Variants in CHD5 observed in about 807,000 individuals in gnomAD.
The protein encoded by CHD5 is chromodomain helicase DNA binding protein 5, also known as ATP-dependent chromatin remodeler CHD5.
A neutral mutation model predicts 230.3 loss-of-function variants in CHD5; 69 were observed. That is an observed-to-expected ratio of 0.30 (90% CI 0.25 to 0.37). The LOEUF (loss-of-function observed/expected upper bound fraction) is 0.37. Ranked by LOEUF, CHD5 falls within the 10% of genes least tolerant of loss-of-function variation. The pLI, the probability that CHD5 is intolerant of heterozygous loss-of-function variation, is 1.00. For synonymous variants in CHD5, 1,064 were observed against 1,065.9 expected (o/e 1.00, Z 0.03); for missense variants, 1,827 against 2,622.8 (o/e 0.70, Z 6.63).
chr1:6,155,013 G>T lies in CHD5; in HGVS notation c.507-115C>A. Reference sequence around the variant, plus strand: ...TGTGCGATCTATGGCAGCAGCCCCAGGTTCCTGATTAGAGAGATTAGGCGG... The same window carrying T: ...TGTGCGATCTATGGCAGCAGCCCCATGTTCCTGATTAGAGAGATTAGGCGG... On this transcript the variant is annotated intron_variant, in intron 4 of 41. Coordinates refer to ENST00000262450, the MANE Select transcript of CHD5 (RefSeq NM_015557.3). The surrounding 1 kb of genome is among the most constrained non-coding windows in gnomAD (Gnocchi z 4.0). 1 of 946,770 alleles carries T rather than the reference G, an allele frequency of 1.1e-6. No homozygotes were observed. The highest frequency in any genetic ancestry group is 2.6e-5 in the East Asian group (1 of 38,348). The allele number at this position is 946,770 out of a possible 1,614,324, so 58.6% of individuals were successfully genotyped here.
intron 13 of CHD5, 70 bp downstream of exon 13, chr1:6,143,753 T>C: frequency 7.5e-7 from 1 of 1,342,184 alleles, no homozygotes; most frequent in South Asian, 1.2e-5. Context: ...ACACACCCCC[T>C]GCACATTCAA....
intron 36 of CHD5, among the ~76,000 whole-genome samples, chr1:6,111,215 G>A (rs943331248): frequency 4.8e-5 from 7 of 145,608 alleles, no homozygotes; most frequent in African/African-American, 1.8e-4. Context: ...AGGCCACAGA[G>A]CGAGACTCCA....
Position 6,102,278 on chromosome 1 carries a change from A to G in CHD5, c.*3196T>C, listed in dbSNP as rs565193632. ...AAAAAAAAATCTGAAAATTAAAGAA[A>G]AAAAAAACACAACGCCAGTGAGTTT... On this transcript the variant is annotated 3_prime_UTR_variant, in exon 42 of 42. Coordinates refer to ENST00000262450, the MANE Select transcript of CHD5 (RefSeq NM_015557.3). 7.0e-4 allele frequency: 112 copies of G among 160,530 alleles called. No individual in the cohort carries two copies. The highest frequency in any genetic ancestry group is 9.9e-4 in the Non-Finnish European group (72 of 72,512). 9.9% of individuals were successfully genotyped at this position (160,530 alleles called of 1,614,324 possible).
rs528036009 is a variant in CHD5, at chr1:6,135,170, G to C, written c.2870+60C>G. 5.0e-6 allele frequency: 8 copies of C among 1,599,656 alleles called. No individual in the cohort carries two copies. In the Admixed American group the frequency reaches 1.3e-4, roughly 27 times the overall value. Reference sequence around the variant, plus strand: ...CTCCGCCCACCTGGGAATCGACCCAGGAGACCAGCCCAGGGGAAAGGGCGA... The same window carrying C: ...CTCCGCCCACCTGGGAATCGACCCACGAGACCAGCCCAGGGGAAAGGGCGA... On this transcript the variant is annotated intron_variant, in intron 18 of 41. Coordinates refer to ENST00000262450, the MANE Select transcript of CHD5 (RefSeq NM_015557.3).
intron 38 of CHD5, among the ~76,000 whole-genome samples, chr1:6,107,927 G>T (rs559740028): frequency 2.9e-5 from 4 of 139,440 alleles, no homozygotes; most frequent in Non-Finnish European, 6.2e-5. Flanking sequence ...AAGATGGAAG[G>T]ATGGAAGGAA....
At chr1:6,160,992 T>C (rs934245563) in intron 2 of CHD5, among the ~76,000 whole-genome samples, 2 of 152,150 alleles carry the variant, frequency 1.3e-5, no homozygotes, top group Non-Finnish European at 2.9e-5. Context: ...GGGCTTGCCA[T>C]GCGCAGGACT....
At position 6,105,194 on chromosome 1, in the gene CHD5, G is replaced by A. The variant is rs1666142152; in HGVS notation, c.*280C>T. The A allele has an allele frequency of 3.7e-5, 13 of 349,108 alleles. No homozygotes were observed. The highest frequency in any genetic ancestry group is 2.4e-4 in the South Asian group (11 of 45,516). 21.6% of individuals were successfully genotyped at this position (349,108 alleles called of 1,614,324 possible). Reference sequence around the variant, plus strand: ...GAAATCTCTTCTAAGAAGTCGTCTGGAAAAGGTGGCGAGGGGGCACGTCCG... The same window carrying A: ...GAAATCTCTTCTAAGAAGTCGTCTGAAAAAGGTGGCGAGGGGGCACGTCCG... On this transcript the variant is annotated 3_prime_UTR_variant, in exon 42 of 42. Transcript: ENST00000262450. The surrounding 1 kb of genome is among the most constrained non-coding windows in gnomAD (Gnocchi z 4.8).
In CHD5 at chr1:6,130,158, G is replaced by C. The variant is rs201341413; in HGVS notation, c.3387+46C>G. 4 of 1,609,288 alleles carry C rather than the reference G, an allele frequency of 2.5e-6. No homozygotes were observed. The Admixed American group carries it at 6.7e-5, about 27-fold the overall frequency. On this transcript the variant is annotated intron_variant, in intron 22 of 41. Transcript: ENST00000262450. The surrounding 1 kb of genome is among the most constrained non-coding windows in gnomAD (Gnocchi z 4.9). ...AAGGACAGAACCTGCCTGAGGCCCG[G>C]GATGAGAGGCCCCCTGGGAGGGTGG...
At chr1:6,107,686 T>C (rs893678556) in intron 38 of CHD5, among the ~76,000 whole-genome samples, 35 of 57,806 alleles carry the variant, frequency 6.1e-4, no homozygotes, top group Non-Finnish European at 1.0e-3. Flanking sequence ...AGGGATAATA[T>C]AGGGATGGAG....
chr1:6,151,229 TG>T, intron 6 of CHD5, 74 bp from the exon 7 acceptor site: 1 of 1,496,624 alleles, frequency 6.7e-7, no homozygotes, highest in Non-Finnish European at 9.0e-7. Context: ...CAGTGTGGGG[TG>T]GGACAAAGCA....
chr1:6,113,402 T>A, intron 33 of CHD5: 1 of 382,862 alleles, frequency 2.6e-6, no homozygotes, highest in Middle Eastern at 4.6e-4. Context: ...CCAGCCTGAG[T>A]GACAGAGCAA....
rs12082745 is a variant in CHD5, at chr1:6,104,220, G to A, written c.*1254C>T. On this transcript the variant is annotated 3_prime_UTR_variant, in exon 42 of 42. Transcript: ENST00000262450. The stretch of plus-strand genomic sequence containing the variant: ...GTGGGATTCCAACAACCCACATGTG[G>A]GAAGATGGTTTTGGGATGTCAGGGC... The A allele has an allele frequency of 0.024, 3,638 of 152,394 alleles. 151 individuals carry two copies. Among genetic ancestry groups the A allele is most frequent in the African/African-American group, 0.083 (3,464 of 41,530 alleles). 9.4% of individuals were successfully genotyped at this position (152,394 alleles called of 1,614,324 possible). A position where few individuals can be genotyped will look rare whatever the true frequency, so the allele number is the denominator to read the frequency against.
rs761147748 is a variant in CHD5, at chr1:6,168,163, C to A, written c.194G>T (p.Arg65Leu). ...GCTGCCCCTCACCTCTTTCTTCTTCCGCTTCCCTTTACACTTGTTTTCCTT... is the reference window on the plus strand; with the variant it reads ...GCTGCCCCTCACCTCTTTCTTCTTCAGCTTCCCTTTACACTTGTTTTCCTT... ...KLKENKCKGK[R>L]KKKEGSNDEL... The change falls in exon 2 of 42, where the codon CGG becomes CTG. Residue 65 changes from arginine (R) to leucine (L), a missense_variant. Arg to Leu is a moderately radical substitution (Grantham distance 102). This residue lies in a region of CHD5 where 113 missense variants were observed against 91.9 expected (regional missense o/e 1.23). Transcript: ENST00000262450. 1 of 1,606,610 alleles carries A rather than the reference C, an allele frequency of 6.2e-7. No homozygotes were observed. Among genetic ancestry groups the A allele is most frequent in the East Asian group, 2.2e-5 (1 of 44,664 alleles).
In CHD5 at chr1:6,105,743, T is replaced by A. The variant is rs1413625007; in HGVS notation, c.*47-316A>T. 6.6e-6 allele frequency among the ~76,000 whole-genome samples: 1 copy of A among 152,280 alleles called. No homozygotes were observed. The highest frequency in any genetic ancestry group is 6.5e-5 in the Admixed American group (1 of 15,304). On this transcript the variant is annotated intron_variant, in intron 41 of 41. Transcript: ENST00000262450. The surrounding 1 kb of genome is among the most constrained non-coding windows in gnomAD (Gnocchi z 4.8). The stretch of plus-strand genomic sequence containing the variant: ...CTGGTGGCCCCAGAGAAGACCAGAA[T>A]GAACTGGCAGTTTCTCTGAAATAAG...
intron 1 of CHD5, among the ~76,000 whole-genome samples, chr1:6,170,578 G>C (rs1466167188): frequency 3.3e-5 from 5 of 152,136 alleles, no homozygotes; most frequent in Non-Finnish European, 5.9e-5. Context: ...CTCCCTCAAG[G>C]GTGGCCAGGT....
intron 33 of CHD5, among the ~76,000 whole-genome samples, chr1:6,114,026 G>A (rs910064879): frequency 6.6e-6 from 1 of 152,170 alleles, no homozygotes; most frequent in Non-Finnish European, 1.5e-5. Context: ...GAGGCCGGAG[G>A]ATCACAAGGT....
At position 6,128,022 on chromosome 1, in the gene CHD5, T is replaced by C. The variant is rs1366563642; in HGVS notation, c.3903+24A>G. 1 of 1,546,804 alleles carries C rather than the reference T, an allele frequency of 6.5e-7. No homozygotes were observed. Among genetic ancestry groups the C allele is most frequent in the East Asian group, 2.3e-5 (1 of 42,584 alleles). ...TGCGGATGGAGGGCGGGGCTGCGGA[T>C]GGAGGGCGGGCCGGGGACCTTACCA... is the stretch of plus-strand genomic sequence containing the variant. On this transcript the variant is annotated intron_variant, in intron 25 of 41. Coordinates refer to ENST00000262450, the MANE Select transcript of CHD5 (RefSeq NM_015557.3). The surrounding 1 kb of genome is among the most constrained non-coding windows in gnomAD (Gnocchi z 7.8).
At chr1:6,113,870 CA>C (rs1185561251) in intron 33 of CHD5, among the ~76,000 whole-genome samples, 1 of 152,190 alleles carries the variant, frequency 6.6e-6, no homozygotes, top group Non-Finnish European at 1.5e-5. Flanking sequence ...GGACACCGCC[CA>C]TGAAACCTCC....
intron 15 of CHD5, among the ~76,000 whole-genome samples, chr1:6,141,563 C>G (rs751874289): frequency 1.4e-5 from 2 of 142,136 alleles, no homozygotes; most frequent in Admixed American, 7.0e-5. Flanking sequence ...TGCAGTGAGT[C>G]GAGATCGCCC....
Sources: gnomAD v4.1 joint callset for allele counts (sites outside exome capture counted in the v4.1 genomes callset) on GRCh38, gnomAD v4.1.1 for gene constraint, gnomAD v4.1.1 regional missense constraint, Gnocchi (gnomAD v3.1) non-coding constraint, MANE v1.5 for transcripts, NCBI Gene and HGNC (gene_info 2026-07-23, HGNC 2026-07-21) for gene names.